Variants in ITGA11 observed in about 807,000 individuals in gnomAD.
The protein encoded by ITGA11 is integrin alpha-11.
Under a neutral mutation model 141.9 loss-of-function variants are expected in ITGA11, and 97 were observed. That is an observed-to-expected ratio of 0.68 (90% CI 0.58 to 0.81). The LOEUF (loss-of-function observed/expected upper bound fraction) is 0.81. ITGA11 is among the 30% of genes least tolerant of loss of function. The pLI is 0.00. For missense variants in ITGA11, 1,387 were observed against 1,559.2 expected (o/e 0.89, Z 1.86); for synonymous variants, 658 against 624.6 (o/e 1.05, Z -0.80).
chr15:68,421,533 G>A (rs899603240), intron 1 of ITGA11, among the ~76,000 whole-genome samples: 5 of 152,276 alleles, frequency 3.3e-5, no homozygotes, highest in African/African-American at 9.6e-5. Context: ...GTACAAGGGC[G>A]GATGCAAGGA....
Position 68,317,341 on chromosome 15 carries a change from T to A in ITGA11, c.2639A>T (p.Glu880Val). 6.2e-7 allele frequency: 1 copy of A among 1,613,328 alleles called. No homozygotes were observed. The highest frequency in any genetic ancestry group is 2.2e-5 in the East Asian group (1 of 44,862). Residue 880 changes from glutamate (E) to valine (V), a missense_variant, in exon 21 of 30, where the codon GAG becomes GTG. Physicochemically the swap from Glu to Val is moderately radical, Grantham distance 121. Coordinates refer to ENST00000315757, the MANE Select transcript of ITGA11 (RefSeq NM_001004439.2). Reference protein sequence around the residue: ...IQKEDSDGSIECVNEERRLQK... With the variant: ...IQKEDSDGSIVCVNEERRLQK... ...GAGCCTCCTCTCCTCGTTCACACAC[T>A]CAATGCTACCGTCTGAGTCCTCCTG...
intron 2 of ITGA11, among the ~76,000 whole-genome samples, chr15:68,374,225 T>G (rs1895670216): frequency 6.6e-6 from 1 of 152,204 alleles, no homozygotes; most frequent in African/African-American, 2.4e-5. Context: ...ATTATTTCTC[T>G]CTTGTTGTTT....
intron 2 of ITGA11, among the ~76,000 whole-genome samples, chr15:68,371,482 G>A (rs1409569788): frequency 6.6e-6 from 1 of 152,200 alleles, no homozygotes; most frequent in Admixed American, 6.5e-5. Context: ...GGAGGCTGAG[G>A]TAGGTGGATC....
intron 8 of ITGA11, 83 bp from the exon 9 acceptor site, chr15:68,350,865 C>T (rs1894887626): frequency 1.4e-6 from 2 of 1,443,808 alleles, no homozygotes; most frequent in Non-Finnish European, 1.9e-6. Flanking sequence ...ACCCTGGGGA[C>T]CCCAGGGTGG....
rs200734553 is a variant in ITGA11 at position 68,357,286 on chromosome 15, T to C, written c.614A>G (p.Gln205Arg). 1.2e-6 allele frequency: 2 copies of C among 1,613,328 alleles called. No individual in the cohort carries two copies. Among genetic ancestry groups the C allele is most frequent in the Non-Finnish European group, 8.5e-7 (1 of 1,179,706 alleles). Reference protein sequence around the residue: ...GPGQIQVGVVQYGEDVVHEFH... With the variant: ...GPGQIQVGVVRYGEDVVHEFH... ...CTCATGCACCACATCTTCGCCATAC[T>C]GCACAACTCCAACCTGCAAGGGAGA... is the stretch of plus-strand genomic sequence containing the variant. Residue 205 changes from glutamine (Q) to arginine (R), a missense_variant, in exon 7 of 30, where the codon CAG becomes CGG. Gln to Arg is a conservative substitution (Grantham distance 43). Coordinates refer to ENST00000315757, the MANE Select transcript of ITGA11 (RefSeq NM_001004439.2).
At chr15:68,360,802 C>T (rs937218830) in intron 5 of ITGA11, among the ~76,000 whole-genome samples, 11 of 152,156 alleles carry the variant, frequency 7.2e-5, no homozygotes, top group South Asian at 2.1e-4. Context: ...CCCAGAAAGA[C>T]GACCTTTCTG....
chr15:68,338,626 G>T (rs931252270), intron 11 of ITGA11, among the ~76,000 whole-genome samples: 2 of 152,216 alleles, frequency 1.3e-5, no homozygotes, highest in African/African-American at 4.8e-5. Flanking sequence ...GGTAACCACA[G>T]GGTGGGCAGA....
chr15:68,383,389 G>A (rs956738484), intron 2 of ITGA11, among the ~76,000 whole-genome samples: 23 of 152,344 alleles, frequency 1.5e-4, no homozygotes, highest in African/African-American at 5.0e-4. Flanking sequence ...GGGTTAGATA[G>A]TGATTAATTA....
intron 1 of ITGA11, among the ~76,000 whole-genome samples, chr15:68,417,509 G>A (rs545182129): frequency 1.3e-5 from 2 of 152,052 alleles, no homozygotes; most frequent in Non-Finnish European, 2.9e-5. Flanking sequence ...ATTTTGCTCA[G>A]CTTCAAGCTA....
chr15:68,315,628 G>T, intron 22 of ITGA11, 23 bp downstream of exon 22: 1 of 1,601,788 alleles, frequency 6.2e-7, no homozygotes, highest in Non-Finnish European at 8.5e-7. Context: ...GCTTTGGGGA[G>T]AAGGAGCAGG....
chr15:68,378,615 C>T (rs184103647), intron 2 of ITGA11, among the ~76,000 whole-genome samples: 26 of 152,262 alleles, frequency 1.7e-4, no homozygotes, highest in Admixed American at 9.8e-4. Flanking sequence ...TGCACTGTAG[C>T]CTGGGTGACA....
At position 68,328,320 on chromosome 15, in the gene ITGA11, G is replaced by GTCTT; in HGVS notation, c.1902-59_1902-58insAAGA. 1 of 1,507,444 alleles carries GTCTT rather than the reference G, an allele frequency of 6.6e-7. No individual in the cohort carries two copies. Among genetic ancestry groups the GTCTT allele is most frequent in the Non-Finnish European group, 9.1e-7 (1 of 1,102,658 alleles). The allele number at this position is 1,507,444 out of a possible 1,614,324, so 93.4% of individuals were successfully genotyped here. ...GCAGGGGCTCAGGCTGCCCTGCTGTGACCATGGGGAAAGACAAGAACCAGA... is the reference window on the plus strand; with the variant it reads ...GCAGGGGCTCAGGCTGCCCTGCTGTGTCTTACCATGGGGAAAGACAAGAACCAGA... On this transcript the variant is annotated intron_variant, in intron 15 of 29. Transcript: ENST00000315757. This position sits in a 1 kb window ranked among gnomAD's most constrained non-coding sequence, Gnocchi z 4.8.
At chr15:68,425,224 T>C (rs758270646) in intron 1 of ITGA11, among the ~76,000 whole-genome samples, 12 of 152,222 alleles carry the variant, frequency 7.9e-5, no homozygotes, top group Non-Finnish European at 1.2e-4. Context: ...GCCGGTTTGA[T>C]GAGCGCTTGG....
intron 9 of ITGA11, among the ~76,000 whole-genome samples, chr15:68,349,271 A>G (rs1372581452): frequency 2.0e-5 from 3 of 152,210 alleles, no homozygotes; most frequent in Non-Finnish European, 4.4e-5. Flanking sequence ...CAGAAATGGA[A>G]TTTCCCACTT....
intron 12 of ITGA11, among the ~76,000 whole-genome samples, chr15:68,334,334 T>C (rs116202412): frequency 0.012 from 1,857 of 152,284 alleles, 42 homozygotes; most frequent in African/African-American, 0.041. Flanking sequence ...GAGAGAGTCA[T>C]CCTCATTTTC....
At chr15:68,425,463 A>G (rs1386005559) in intron 1 of ITGA11, among the ~76,000 whole-genome samples, 1 of 152,238 alleles carries the variant, frequency 6.6e-6, no homozygotes, top group African/African-American at 2.4e-5. Flanking sequence ...TATGGCCACC[A>G]ATCTCTGAAC....
Position 68,307,639 on chromosome 15 carries a change from G to T in ITGA11, c.3232C>A (p.Gln1078Lys), listed in dbSNP as rs773190344. 1.2e-6 allele frequency: 2 copies of T among 1,613,720 alleles called. No homozygotes were observed. Among genetic ancestry groups the T allele is most frequent in the East Asian group, 4.5e-5 (2 of 44,894 alleles). ...CCCAGTAGATGGAAATTGATTTCCT[G>T]GTTGGGGACCAGCCGTATATTGCAG... The part of the protein sequence containing the change: ...INCNIRLVPN[Q>K]EINFHLLGNL... Residue 1078 changes from glutamine to lysine, a missense_variant, in exon 27 of 30, where the codon CAG becomes AAG. Coordinates refer to ENST00000315757, the MANE Select transcript of ITGA11 (RefSeq NM_001004439.2). The surrounding 1 kb of genome is among the most constrained non-coding windows in gnomAD (Gnocchi z 6.1).
chr15:68,365,338 C>G (rs1197020535), intron 3 of ITGA11: 2 of 986,746 alleles, frequency 2.0e-6, no homozygotes, highest in Non-Finnish European at 2.4e-6. Flanking sequence ...TCCAGAGCTG[C>G]CAGGCCTTGC....
At position 68,297,675 on chromosome 15, in the gene ITGA11, A is replaced by G. The variant is rs1215737016; in HGVS notation, c.*5384T>C. ...TTCAGTTACTTCTTTTGGATGTCCC[A>G]GATACACTAATCGTTTGCAAGTAAC... On this transcript the variant is annotated 3_prime_UTR_variant, in exon 30 of 30. Transcript: ENST00000315757. 1 of 152,116 alleles carries G rather than the reference A, an allele frequency of 6.6e-6. No individual in the cohort carries two copies. Among genetic ancestry groups the G allele is most frequent in the Non-Finnish European group, 1.5e-5 (1 of 68,026 alleles). The allele number at this position is 152,116 out of a possible 1,614,324, so 9.4% of individuals were successfully genotyped here. A position where few individuals can be genotyped will look rare whatever the true frequency, so the allele number is the denominator to read the frequency against.
Sources: allele counts gnomAD v4.1 joint callset (sites outside exome capture counted in the v4.1 genomes callset), GRCh38; gene constraint gnomAD v4.1.1; non-coding constraint Gnocchi (gnomAD v3.1); transcripts MANE v1.5; gene names NCBI Gene and HGNC (gene_info 2026-07-23, HGNC 2026-07-21).